SUGCT: variants seen among roughly 807,000 people sequenced by gnomAD.
SUGCT encodes the protein succinyl-CoA:glutarate CoA-transferase.
SUGCT carries 41 observed loss-of-function variants against 55.0 expected under a neutral mutation model. The observed-to-expected ratio is 0.74, with a 90% CI of 0.58 to 0.97. The LOEUF is 0.97. SUGCT is among the 50% of genes least tolerant of loss of function. The pLI is 0.00. For missense variants in SUGCT, 568 were observed against 547.8 expected, an observed-to-expected ratio of 1.04 and a Z score of -0.37; for synonymous variants, 187 against 200.4, an observed-to-expected ratio of 0.93 and a Z score of 0.56.
chr7:40,939,006 A>C, the SUGCT span, among the ~76,000 whole-genome samples: 5 of 152,160 alleles, frequency 3.3e-5, no homozygotes, highest in South Asian at 1.0e-3. Flanking sequence ...TTTTTAATAT[A>C]ATGACTTCTT....
At chr7:40,443,712 A>C (rs1788647916) in intron 9 of SUGCT, among the ~76,000 whole-genome samples, 2 of 152,090 alleles carry the variant, frequency 1.3e-5, no homozygotes, top group African/African-American at 4.8e-5. Flanking sequence ...GCTGTGCAGA[A>C]GCTCTTTAGT....
chr7:40,476,644 A>G (rs1296651961), intron 11 of SUGCT, among the ~76,000 whole-genome samples: 1 of 152,048 alleles, frequency 6.6e-6, no homozygotes, highest in African/African-American at 2.4e-5. Flanking sequence ...TAAATATTTC[A>G]TAGTATACTA....
chr7:40,430,276 T>A (rs1431235905), intron 9 of SUGCT, among the ~76,000 whole-genome samples: 3 of 152,176 alleles, frequency 2.0e-5, no homozygotes, highest in African/African-American at 7.2e-5. Flanking sequence ...CAATCTATAT[T>A]TTCACCAATG....
chr7:40,792,677 C>T (rs548836976), intron 13 of SUGCT, among the ~76,000 whole-genome samples: 4 of 152,162 alleles, frequency 2.6e-5, no homozygotes, highest in African/African-American at 2.4e-5. Flanking sequence ...CATGGGAACA[C>T]GAATAGCAGT....
chr7:40,522,918 A>G (rs1478669088), intron 12 of SUGCT, among the ~76,000 whole-genome samples: 1 of 152,118 alleles, frequency 6.6e-6, no homozygotes, highest in African/African-American at 2.4e-5. Context: ...AAAATTTTAG[A>G]ATTCAGTCTG....
intron 13 of SUGCT, among the ~76,000 whole-genome samples, chr7:40,850,202 G>A (rs1183858343): frequency 6.6e-6 from 1 of 152,128 alleles, no homozygotes; most frequent in Non-Finnish European, 1.5e-5. Flanking sequence ...AGAAAGCAGT[G>A]TGGTCCAGTG....
chr7:40,668,794 A>G (rs923177771), intron 12 of SUGCT, among the ~76,000 whole-genome samples: 8 of 152,314 alleles, frequency 5.3e-5, no homozygotes, highest in Middle Eastern at 3.4e-3. Context: ...GCCTCACAAG[A>G]CAAAAATATT....
chr7:40,228,863 T>C (rs1228714575), intron 6 of SUGCT, among the ~76,000 whole-genome samples: 1 of 152,102 alleles, frequency 6.6e-6, no homozygotes, highest in Non-Finnish European at 1.5e-5. Context: ...TTTTTTGTAA[T>C]ATCATTATGA....
At chr7:40,377,224 T>A (rs1481010714) in intron 9 of SUGCT, among the ~76,000 whole-genome samples, 1 of 23,844 alleles carries the variant, frequency 4.2e-5, no homozygotes, top group Non-Finnish European at 1.2e-4. Context: ...TTTCTTTTCT[T>A]TCTTTCTTCC....
chr7:40,333,748 C>T (rs565525867), intron 9 of SUGCT, among the ~76,000 whole-genome samples: 23 of 84,384 alleles, frequency 2.7e-4, no homozygotes, highest in East Asian at 7.3e-4. Context: ...GTGACAGCAT[C>T]GACCAGTGGC....
chr7:40,624,077 A>G (rs1315390054), intron 12 of SUGCT, among the ~76,000 whole-genome samples: 1 of 152,214 alleles, frequency 6.6e-6, no homozygotes. Flanking sequence ...TGTGTGTCAT[A>G]TGTCAGACAG....
intron 9 of SUGCT, among the ~76,000 whole-genome samples, chr7:40,318,874 A>G (rs936459494): frequency 6.6e-6 from 1 of 152,226 alleles, no homozygotes; most frequent in Non-Finnish European, 1.5e-5. Context: ...TTGCTCATTT[A>G]AAAAATGGAA....
At chr7:40,969,980 T>G in the SUGCT span, among the ~76,000 whole-genome samples, 1 of 152,214 alleles carries the variant, frequency 6.6e-6, no homozygotes, top group Non-Finnish European at 1.5e-5. Flanking sequence ...GACTGCCCTG[T>G]GTCCAACAGA....
At chr7:40,548,819 C>T (rs925400643) in intron 12 of SUGCT, among the ~76,000 whole-genome samples, 1 of 152,160 alleles carries the variant, frequency 6.6e-6, no homozygotes, top group African/African-American at 2.4e-5. Flanking sequence ...CCCTAAAAAC[C>T]CGCTGGCTCT....
chr7:40,951,960 C>A, the SUGCT span, among the ~76,000 whole-genome samples: 1 of 152,278 alleles, frequency 6.6e-6, no homozygotes, highest in South Asian at 2.1e-4. Flanking sequence ...CTGTAGATTT[C>A]TTTTAGGTCC....
chr7:40,924,442 G>A, the SUGCT span, among the ~76,000 whole-genome samples: 2 of 152,100 alleles, frequency 1.3e-5, no homozygotes, highest in Non-Finnish European at 2.9e-5. Flanking sequence ...TAGAGATGGG[G>A]CATTGCCAGG....
At chr7:40,714,495 A>T (rs1297457342) in intron 12 of SUGCT, among the ~76,000 whole-genome samples, 1 of 152,174 alleles carries the variant, frequency 6.6e-6, no homozygotes, top group African/African-American at 2.4e-5. Context: ...TAAATCTCCT[A>T]GTTTTGCCTG....
chr7:40,249,968 G>A (rs1228504772), intron 7 of SUGCT, among the ~76,000 whole-genome samples: 6 of 151,760 alleles, frequency 4.0e-5, no homozygotes, highest in Middle Eastern at 6.3e-3. Context: ...TGTATTTTTA[G>A]TAGAGATGGG....
chr7:40,309,284 T>C (rs953309942), intron 8 of SUGCT, among the ~76,000 whole-genome samples: 1 of 149,212 alleles, frequency 6.7e-6, no homozygotes, highest in African/African-American at 2.4e-5. Context: ...TGGCACATAG[T>C]AAGTGTGATA....
Sources: allele counts gnomAD v4.1 joint callset (sites outside exome capture counted in the v4.1 genomes callset), GRCh38; gene constraint gnomAD v4.1.1; transcripts MANE v1.5; gene names NCBI Gene and HGNC (gene_info 2026-07-23, HGNC 2026-07-21).